The following JARID2 variants were observed in gnomAD, a reference collection of about 807,000 sequenced individuals.
The protein encoded by JARID2 is protein Jumonji.
In JARID2, 21 loss-of-function variants were observed where a neutral mutation model predicts 125.6. The observed-to-expected ratio is 0.17, with a 90% CI of 0.12 to 0.24. The LOEUF (loss-of-function observed/expected upper bound fraction) is 0.24, where lower values mean the gene tolerates loss of function less well. Among genes scored for constraint, JARID2 ranks in the 10% least tolerant of loss-of-function variants. The probability of loss-of-function intolerance (pLI) is 1.00; values close to 1 mark genes in which losing one functional copy is unlikely to be tolerated. For synonymous variants in JARID2, 736 were observed against 661.6 expected (o/e 1.11, Z -1.73); for missense variants, 1,303 against 1,639.6 (o/e 0.79, Z 3.55).
intron 1 of JARID2, among the ~76,000 whole-genome samples, chr6:15,277,070 T>C (rs1164000130): frequency 1.3e-5 from 2 of 152,208 alleles, no homozygotes; most frequent in East Asian, 1.9e-4. Context: ...TTGATTTTTT[T>C]CCATGGTAGT....
At chr6:15,448,804 G>T (rs1202882789) in intron 3 of JARID2, among the ~76,000 whole-genome samples, 1 of 151,714 alleles carries the variant, frequency 6.6e-6, no homozygotes, top group Non-Finnish European at 1.5e-5. Flanking sequence ...TCGAGACCTG[G>T]CCATCACCAG....
chr6:15,273,834 C>T (rs932298253), intron 1 of JARID2, among the ~76,000 whole-genome samples: 64 of 152,052 alleles, frequency 4.2e-4, no homozygotes, highest in African/African-American at 1.5e-3. Context: ...GAAATGACAC[C>T]TAAAGATTGG....
At chr6:15,468,183 T>C (rs534669594) in intron 4 of JARID2, among the ~76,000 whole-genome samples, 1 of 151,734 alleles carries the variant, frequency 6.6e-6, no homozygotes, top group South Asian at 2.1e-4. Flanking sequence ...TTTTTTTTTT[T>C]TTTAAGTCTA....
intron 2 of JARID2, among the ~76,000 whole-genome samples, chr6:15,389,525 A>G (rs554056219): frequency 6.6e-6 from 1 of 152,306 alleles, no homozygotes; most frequent in South Asian, 2.1e-4. Flanking sequence ...TCTGTTCCCT[A>G]GGGGCTCCCC....
At chr6:15,379,352 T>C (rs1330149350) in intron 2 of JARID2, among the ~76,000 whole-genome samples, 1 of 152,190 alleles carries the variant, frequency 6.6e-6, no homozygotes. Flanking sequence ...AATGCCACTT[T>C]TCATGGATGT....
rs1771161526 is a variant in JARID2, at chr6:15,509,298, G to T, written c.2846+844G>T. ...GATCGTTTACCGGCATGCTGTTCATGCCATGCTGACTGTGTTTATTGCCCT... is the reference window on the plus strand; with the variant it reads ...GATCGTTTACCGGCATGCTGTTCATTCCATGCTGACTGTGTTTATTGCCCT... On this transcript the variant is annotated intron_variant, in intron 12 of 17. Coordinates refer to ENST00000341776, the MANE Select transcript of JARID2 (RefSeq NM_004973.4). The T allele has an allele frequency of 3.0e-6, 3 of 985,232 alleles. No homozygotes were observed. The Admixed American group carries it at 1.8e-4, about 61-fold the overall frequency. The allele number at this position is 985,232 out of a possible 1,614,324, so 61.0% of individuals were successfully genotyped here. A position where few individuals can be genotyped will look rare whatever the true frequency, so the allele number is the denominator to read the frequency against.
At chr6:15,452,288 A>C in intron 4 of JARID2, 113 bp downstream of exon 4, 18 of 1,407,818 alleles carry the variant, frequency 1.3e-5, no homozygotes, top group East Asian at 2.5e-5. Context: ...TCTGTCCCCA[A>C]CCTGGGTTGA....
chr6:15,268,988 G>A (rs60410720), intron 1 of JARID2, among the ~76,000 whole-genome samples: 11,598 of 152,192 alleles, frequency 0.076, 459 homozygotes, highest in Admixed American at 0.11. Context: ...GGTAGGAAAT[G>A]CCAGTGCCTG....
At chr6:15,305,943 A>G (rs56230749) in intron 1 of JARID2, among the ~76,000 whole-genome samples, 26 of 152,338 alleles carry the variant, frequency 1.7e-4, no homozygotes, top group African/African-American at 6.0e-4. Flanking sequence ...TTGTAAGGAA[A>G]TAGTTTTCTA....
intron 3 of JARID2, among the ~76,000 whole-genome samples, chr6:15,412,557 C>G (rs1765924737): frequency 6.6e-6 from 1 of 152,154 alleles, no homozygotes; most frequent in African/African-American, 2.4e-5. Context: ...GACCCACCCA[C>G]CTCCGAAAGT....
intron 1 of JARID2, among the ~76,000 whole-genome samples, chr6:15,316,668 A>G (rs1291260952): frequency 1.3e-5 from 2 of 151,800 alleles, no homozygotes; most frequent in Non-Finnish European, 2.9e-5. Flanking sequence ...ATGCCCAGCT[A>G]ATTTTTATAT....
At chr6:15,513,139 T>G (rs909569798) in intron 15 of JARID2, 94 bp downstream of exon 15, 2 of 1,584,958 alleles carry the variant, frequency 1.3e-6, no homozygotes, top group Non-Finnish European at 1.7e-6. Flanking sequence ...GACAGGAGGG[T>G]GTGTCTGCAG....
chr6:15,304,525 G>A (rs969374749), intron 1 of JARID2, among the ~76,000 whole-genome samples: 4 of 152,070 alleles, frequency 2.6e-5, no homozygotes, highest in Non-Finnish European at 4.4e-5. Context: ...GACAATCATC[G>A]GAAGGCCCTT....
At chr6:15,421,670 A>G (rs1766495711) in intron 3 of JARID2, among the ~76,000 whole-genome samples, 2 of 152,174 alleles carry the variant, frequency 1.3e-5, no homozygotes, top group Non-Finnish European at 2.9e-5. Flanking sequence ...AGGTTTTACC[A>G]CCCTCACTTG....
rs1490357084 is a variant in JARID2 at position 15,521,295 on chromosome 6, G to A, written c.*1044G>A. 6.6e-6 allele frequency: 1 copy of A among 150,748 alleles called. No homozygotes were observed. Among genetic ancestry groups the A allele is most frequent in the Admixed American group, 6.6e-5 (1 of 15,072 alleles). The allele number at this position is 150,748 out of a possible 1,614,324, so 9.3% of individuals were successfully genotyped here. A position where few individuals can be genotyped will look rare whatever the true frequency, so the allele number is the denominator to read the frequency against. Reference sequence around the variant, plus strand: ...TTTTTGAATGTGAAAATGCATTTGCGTTCATCTTGTCTATTTTTTCTCTTC... The same window carrying A: ...TTTTTGAATGTGAAAATGCATTTGCATTCATCTTGTCTATTTTTTCTCTTC... On this transcript the variant is annotated 3_prime_UTR_variant, in exon 18 of 18. Coordinates refer to ENST00000341776, the MANE Select transcript of JARID2 (RefSeq NM_004973.4).
chr6:15,447,647 CT>C (rs1181558490), intron 3 of JARID2, among the ~76,000 whole-genome samples: 1 of 152,206 alleles, frequency 6.6e-6, no homozygotes, highest in Non-Finnish European at 1.5e-5. Flanking sequence ...TTCATTTTTG[CT>C]GTAATAATGG....
chr6:15,441,949 G>A (rs1000517287), intron 3 of JARID2, among the ~76,000 whole-genome samples: 4 of 151,768 alleles, frequency 2.6e-5, no homozygotes, highest in African/African-American at 4.8e-5. Context: ...CTGCTACCAC[G>A]CCCAGCTAAT....
chr6:15,440,917 C>T (rs1024334810), intron 3 of JARID2, among the ~76,000 whole-genome samples: 2 of 152,210 alleles, frequency 1.3e-5, no homozygotes, highest in Non-Finnish European at 2.9e-5. Flanking sequence ...GAATCCTTTT[C>T]TTACAGAGCA....
At position 15,451,908 on chromosome 6, in the gene JARID2, C is replaced by CT. The variant is rs1358876398; in HGVS notation, c.324-92dup. 6.8e-6 allele frequency: 8 copies of CT among 1,181,172 alleles called. No homozygotes were observed. In the African/African-American group the frequency reaches 1.1e-4, roughly 16 times the overall value. 73.2% of individuals were successfully genotyped at this position (1,181,172 alleles called of 1,614,324 possible). ...AGGAAGAGTTTGCTTGAAATAGGATCTTTTTTCCCCTTATGTGTCATGATT... is the reference window on the plus strand; with the variant it reads ...AGGAAGAGTTTGCTTGAAATAGGATCTTTTTTTCCCCTTATGTGTCATGATT... On this transcript the variant is annotated intron_variant, in intron 3 of 17. Transcript: ENST00000341776.
Sources: allele counts gnomAD v4.1 joint callset (sites outside exome capture counted in the v4.1 genomes callset), GRCh38; gene constraint gnomAD v4.1.1; transcripts MANE v1.5; gene names NCBI Gene and HGNC (gene_info 2026-07-23, HGNC 2026-07-21).